The following AK5 variants were observed in gnomAD, a reference collection of about 807,000 sequenced individuals.
AK5 encodes adenylate kinase isoenzyme 5.
Under a neutral mutation model 69.5 loss-of-function variants are expected in AK5, and 27 were observed. The observed-to-expected ratio is 0.39, with a 90% CI of 0.29 to 0.54. The LOEUF is 0.54. Ranked by LOEUF, AK5 falls within the 20% of genes least tolerant of loss-of-function variation. AK5 has a pLI of 0.71. For synonymous variants in AK5, 260 were observed against 244.4 expected (o/e 1.06, Z -0.60); for missense variants, 531 against 700.4 (o/e 0.76, Z 2.73).
chr1:77,338,778 G>A (rs996439962), intron 5 of AK5, among the ~76,000 whole-genome samples: 6 of 152,182 alleles, frequency 3.9e-5, no homozygotes, highest in Non-Finnish European at 8.8e-5. Flanking sequence ...TGAAAACTAA[G>A]AGATAGTAAA....
intron 6 of AK5, among the ~76,000 whole-genome samples, chr1:77,406,451 A>G (rs974706212): frequency 2.6e-5 from 4 of 152,156 alleles, no homozygotes; most frequent in Non-Finnish European, 4.4e-5. Context: ...AGAGAGATAC[A>G]CAGTTGACTC....
chr1:77,385,939 C>T (rs983445013), intron 6 of AK5, among the ~76,000 whole-genome samples: 3 of 152,086 alleles, frequency 2.0e-5, no homozygotes, highest in Admixed American at 6.5e-5. Context: ...TAACTTCCAG[C>T]GGAAACAGCT....
intron 5 of AK5, among the ~76,000 whole-genome samples, chr1:77,307,476 A>G (rs1052425312): frequency 6.6e-6 from 1 of 151,822 alleles, no homozygotes; most frequent in Non-Finnish European, 1.5e-5. Flanking sequence ...AAGATGCTTG[A>G]TCTTATTTCA....
rs781404418 is a variant in AK5 at position 77,559,347 on chromosome 1, A to T, written c.*677A>T. 6.6e-6 allele frequency: 1 copy of T among 152,230 alleles called. No individual in the cohort carries two copies. The highest frequency in any genetic ancestry group is 2.1e-4 in the South Asian group (1 of 4,822). The allele number at this position is 152,230 out of a possible 1,614,324, so 9.4% of individuals were successfully genotyped here. ...TCTCTATTATTATTATTTTTTAGAA[A>T]CTTGGAATACTGTCGTCATGGCTAA... On this transcript the variant is annotated 3_prime_UTR_variant, in exon 14 of 14. Transcript: ENST00000354567.
In AK5 at chr1:77,340,384, C is replaced by T; in HGVS notation, c.707C>T (p.Thr236Ile). 5 of 1,613,664 alleles carry T rather than the reference C, an allele frequency of 3.1e-6. No homozygotes were observed. Among genetic ancestry groups the T allele is most frequent in the Non-Finnish European group, 3.4e-6 (4 of 1,179,690 alleles). ...QALSFEDQIC[T>I]PDLVVFLACA... is the part of the protein sequence containing the mutation. ...TGTTGATGCTCTCCACAGATCTGTACCCCCGATTTGGTGGTATTCCTGGCT... is the reference window on the plus strand; with the variant it reads ...TGTTGATGCTCTCCACAGATCTGTATCCCCGATTTGGTGGTATTCCTGGCT... Residue 236 changes from threonine to isoleucine, a missense_variant, in exon 6 of 14, where the codon ACC becomes ATC. Coordinates refer to ENST00000354567, the MANE Select transcript of AK5 (RefSeq NM_174858.3).
chr1:77,348,022 G>A (rs999923750), intron 6 of AK5, among the ~76,000 whole-genome samples: 5 of 152,076 alleles, frequency 3.3e-5, no homozygotes, highest in Non-Finnish European at 7.4e-5. Context: ...CACCAAAAAT[G>A]CAATATTTTA....
intron 8 of AK5, among the ~76,000 whole-genome samples, chr1:77,429,060 A>ATG (rs952133419): frequency 6.6e-5 from 10 of 151,772 alleles, no homozygotes; most frequent in Admixed American, 2.6e-4. Flanking sequence ...CAATAAACAT[A>ATG]TGTGTGTGTG....
intron 5 of AK5, among the ~76,000 whole-genome samples, chr1:77,302,862 A>G (rs533744077): frequency 3.4e-4 from 51 of 152,200 alleles, no homozygotes; most frequent in Non-Finnish European, 6.3e-4. Flanking sequence ...TATGGGCTCC[A>G]TTGGAACATG....
At chr1:77,491,695 A>G (rs1656018141) in intron 10 of AK5, among the ~76,000 whole-genome samples, 1 of 152,248 alleles carries the variant, frequency 6.6e-6, no homozygotes, top group Non-Finnish European at 1.5e-5. Flanking sequence ...TAAATATGAA[A>G]GAACTCGGAT....
chr1:77,412,692 T>C (rs1650125062), intron 7 of AK5, among the ~76,000 whole-genome samples: 1 of 152,164 alleles, frequency 6.6e-6, no homozygotes, highest in Non-Finnish European at 1.5e-5. Context: ...GCTCTATGAA[T>C]TGTCAGCCTC....
At chr1:77,288,819 T>C (rs1280466065) in intron 2 of AK5, among the ~76,000 whole-genome samples, 3 of 152,220 alleles carry the variant, frequency 2.0e-5, no homozygotes, top group Non-Finnish European at 2.9e-5. Context: ...ATTAGCATTC[T>C]GAGTCTTAGA....
chr1:77,313,866 A>G (rs565468065), intron 5 of AK5: 2 of 532,816 alleles, frequency 3.8e-6, no homozygotes, highest in East Asian at 5.5e-5. Flanking sequence ...CCTGCGGGGT[A>G]TGTCCAGTCC....
chr1:77,345,123 G>C (rs1360533150), intron 6 of AK5, among the ~76,000 whole-genome samples: 1 of 151,978 alleles, frequency 6.6e-6, no homozygotes, highest in Non-Finnish European at 1.5e-5. Flanking sequence ...ATATACACTT[G>C]TGTGCATTGA....
At chr1:77,417,047 C>G (rs1291846353) in intron 7 of AK5, among the ~76,000 whole-genome samples, 1 of 152,078 alleles carries the variant, frequency 6.6e-6, no homozygotes, top group Non-Finnish European at 1.5e-5. Flanking sequence ...GGGAAATAAT[C>G]TCTCTATTCA....
intron 12 of AK5, among the ~76,000 whole-genome samples, chr1:77,527,353 A>AT (rs1393222005): frequency 8.5e-5 from 13 of 152,204 alleles, no homozygotes; most frequent in Non-Finnish European, 1.5e-4. Flanking sequence ...TGGCGTAAGT[A>AT]TGAATTCAAA....
chr1:77,397,001 C>T (rs978938174), intron 6 of AK5, among the ~76,000 whole-genome samples: 1 of 152,224 alleles, frequency 6.6e-6, no homozygotes, highest in Non-Finnish European at 1.5e-5. Context: ...CCACTCACTA[C>T]AGACACATGC....
intron 7 of AK5, among the ~76,000 whole-genome samples, chr1:77,414,484 C>A (rs1405167457): frequency 5.3e-5 from 8 of 152,090 alleles, no homozygotes; most frequent in Non-Finnish European, 8.8e-5. Context: ...AACGTTGACC[C>A]AGAAAGTAAT....
chr1:77,425,762 A>G (rs1176107984), intron 8 of AK5, among the ~76,000 whole-genome samples: 1 of 152,220 alleles, frequency 6.6e-6, no homozygotes, highest in East Asian at 1.9e-4. Context: ...TTAATTATAT[A>G]TACTTATGAT....
At chr1:77,332,388 A>T (rs1661134431) in intron 5 of AK5, among the ~76,000 whole-genome samples, 1 of 149,084 alleles carries the variant, frequency 6.7e-6, no homozygotes, top group South Asian at 2.2e-4. Context: ...AGACCTTAAA[A>T]GGTCTAAATT....
Sources: gnomAD v4.1 joint callset for allele counts (sites outside exome capture counted in the v4.1 genomes callset) on GRCh38, gnomAD v4.1.1 for gene constraint, MANE v1.5 for transcripts, NCBI Gene and HGNC (gene_info 2026-07-23, HGNC 2026-07-21) for gene names.